TRPC3: variants seen among roughly 807,000 people sequenced by gnomAD.
TRPC3 encodes transient receptor potential cation channel subfamily C member 3.
In TRPC3, 54 loss-of-function variants were observed where a neutral mutation model predicts 90.9. The ratio of observed to expected loss-of-function variants is 0.59; its 90% confidence interval spans 0.48 to 0.75. TRPC3 has a LOEUF of 0.75. Ranked by LOEUF, TRPC3 falls within the 30% of genes least tolerant of loss-of-function variation. The pLI is 0.00. For synonymous variants in TRPC3, 424 were observed against 450.9 expected (o/e 0.94, Z 0.75); for missense variants, 918 against 1,194.5 (o/e 0.77, Z 3.41).
intron 1 of TRPC3, chr4:121,950,753 C>T (rs1730695864): frequency 6.6e-6 from 1 of 152,328 alleles, no homozygotes; most frequent in African/African-American, 2.4e-5. Context: ...GCCTGGGAAC[C>T]GCAGTCAAAG....
chr4:121,927,986 A>G (rs1172541506), intron 2 of TRPC3, among the ~76,000 whole-genome samples: 1 of 152,202 alleles, frequency 6.6e-6, no homozygotes, highest in African/African-American at 2.4e-5. Context: ...CCCTTTTAAT[A>G]TAATTTTTTT....
intron 10 of TRPC3, 107 bp downstream of exon 10, chr4:121,899,505 T>C (rs1728630469): frequency 2.3e-6 from 2 of 853,056 alleles, no homozygotes; most frequent in Non-Finnish European, 3.8e-6. Flanking sequence ...CATGGTATAA[T>C]GGTATATCTC....
intron 10 of TRPC3, among the ~76,000 whole-genome samples, chr4:121,886,024 C>G (rs1012148050): frequency 6.6e-6 from 1 of 152,104 alleles, no homozygotes; most frequent in Non-Finnish European, 1.5e-5. Flanking sequence ...GGTAAAGATT[C>G]CAGGCGGTAC....
intron 4 of TRPC3, among the ~76,000 whole-genome samples, chr4:121,913,172 A>T (rs1647309492): frequency 6.6e-6 from 1 of 152,208 alleles, no homozygotes; most frequent in African/African-American, 2.4e-5. Flanking sequence ...AGAATAAACA[A>T]CACATTTACA....
intron 3 of TRPC3, among the ~76,000 whole-genome samples, chr4:121,916,668 A>G (rs892577432): frequency 6.6e-6 from 1 of 152,176 alleles, no homozygotes; most frequent in Non-Finnish European, 1.5e-5. Context: ...GATCTTCACT[A>G]TGCTGGCATC....
At chr4:121,904,728 T>A (rs1305124537) in intron 7 of TRPC3, among the ~76,000 whole-genome samples, 2 of 152,170 alleles carry the variant, frequency 1.3e-5, no homozygotes, top group African/African-American at 2.4e-5. Flanking sequence ...TGCCAATGCC[T>A]AGCTTTTCTG....
At chr4:121,885,617 G>A (rs925111050) in intron 10 of TRPC3, among the ~76,000 whole-genome samples, 1 of 152,122 alleles carries the variant, frequency 6.6e-6, no homozygotes, top group Non-Finnish European at 1.5e-5. Flanking sequence ...CTATGCTTCT[G>A]TAAAGCAAAT....
Position 121,925,009 on chromosome 4 carries a change from C to T in TRPC3, c.1176+9G>A, listed in dbSNP as rs763150770. 3.2e-5 allele frequency: 51 copies of T among 1,605,454 alleles called. 1 individual carries two copies. Among genetic ancestry groups the T allele is most frequent in the East Asian group, 1.3e-4 (6 of 44,760 alleles). On this transcript the variant is annotated intron_variant, in intron 3 of 11. Coordinates refer to ENST00000379645, the MANE Select transcript of TRPC3 (RefSeq NM_001130698.2). ...TAATATGGCACTAGATGAAAGTAGG[C>T]CCACTCACCTTTTTGACTTCATACT...
chr4:121,890,557 G>C (rs1728289118), intron 10 of TRPC3, among the ~76,000 whole-genome samples: 1 of 152,190 alleles, frequency 6.6e-6, no homozygotes, highest in South Asian at 2.1e-4. Flanking sequence ...GGTAGATATG[G>C]AAGACAGTCA....
intron 2 of TRPC3, among the ~76,000 whole-genome samples, chr4:121,931,681 C>T (rs957031162): frequency 1.3e-5 from 2 of 152,130 alleles, no homozygotes; most frequent in Admixed American, 1.3e-4. Context: ...TTTGTCATAT[C>T]AGTGAAGTGA....
At chr4:121,913,707 A>T (rs1421332721) in intron 4 of TRPC3, among the ~76,000 whole-genome samples, 1 of 152,076 alleles carries the variant, frequency 6.6e-6, no homozygotes, top group African/African-American at 2.4e-5. Context: ...GTGTTTACGT[A>T]TTTGAAGAAT....
intron 9 of TRPC3, 45 bp downstream of exon 9, chr4:121,902,807 G>A (rs1347916115): frequency 6.4e-6 from 9 of 1,407,346 alleles, no homozygotes; most frequent in Non-Finnish European, 8.7e-6. Flanking sequence ...AGAAAAAAAA[G>A]ACAGAACATT....
chr4:121,883,103 T>C (rs1380547238), intron 10 of TRPC3, among the ~76,000 whole-genome samples: 2 of 152,130 alleles, frequency 1.3e-5, no homozygotes, highest in Non-Finnish European at 2.9e-5. Context: ...AAAAATTAAA[T>C]TGGAGCCCTA....
chr4:121,920,114 T>C (rs1281123179), intron 3 of TRPC3, among the ~76,000 whole-genome samples: 1 of 152,182 alleles, frequency 6.6e-6, no homozygotes, highest in African/African-American at 2.4e-5. Flanking sequence ...GAAAATCAAA[T>C]TTCATCTTCC....
At chr4:121,944,888 C>T (rs1730434402) in intron 1 of TRPC3, among the ~76,000 whole-genome samples, 1 of 152,046 alleles carries the variant, frequency 6.6e-6, no homozygotes, top group Non-Finnish European at 1.5e-5. Flanking sequence ...AATGCTTAAC[C>T]ACAGGAGGCC....
chr4:121,939,597 C>T (rs1465594903), intron 1 of TRPC3, among the ~76,000 whole-genome samples: 1 of 152,200 alleles, frequency 6.6e-6, no homozygotes. Context: ...AAGCAAAGAG[C>T]TTTCTCAAGC....
rs1729957336 is a variant in TRPC3 at position 121,932,235 on chromosome 4, GCA to G, written c.987+34_987+35del. ...AGGCAGCAGCGGGGAAGTTGGGTGA[GCA>G]CACAGAGCAGCCGGGGTAGAGCGCA... On this transcript the variant is annotated intron_variant, in intron 2 of 11. Coordinates refer to ENST00000379645, the MANE Select transcript of TRPC3 (RefSeq NM_001130698.2). This position sits in a 1 kb window ranked among gnomAD's most constrained non-coding sequence, Gnocchi z 7.7. 3 of 1,595,058 alleles carry G rather than the reference GCA, an allele frequency of 1.9e-6. No individual in the cohort carries two copies. Among genetic ancestry groups the G allele is most frequent in the Non-Finnish European group, 2.6e-6 (3 of 1,167,998 alleles).
intron 9 of TRPC3, 85 bp downstream of exon 9, chr4:121,902,767 T>G (rs1728744742): frequency 9.5e-7 from 1 of 1,054,442 alleles, no homozygotes. Flanking sequence ...AGTTCACACA[T>G]AAAAATTATT....
chr4:121,918,639 T>C (rs776132695), intron 3 of TRPC3, among the ~76,000 whole-genome samples: 2 of 152,206 alleles, frequency 1.3e-5, no homozygotes, highest in Non-Finnish European at 2.9e-5. Flanking sequence ...TGTTACACTT[T>C]AAAATTCAGC....
Sources: allele counts gnomAD v4.1 joint callset (sites outside exome capture counted in the v4.1 genomes callset), GRCh38; gene constraint gnomAD v4.1.1; non-coding constraint Gnocchi (gnomAD v3.1); transcripts MANE v1.5; gene names NCBI Gene and HGNC (gene_info 2026-07-23, HGNC 2026-07-21).